CACNA2D3: variants seen among roughly 807,000 people sequenced by gnomAD.
CACNA2D3 encodes the protein calcium voltage-gated channel auxiliary subunit alpha2delta 3.
A neutral mutation model predicts 160.6 loss-of-function variants in CACNA2D3; 60 were observed. The observed-to-expected ratio is 0.37, with a 90% CI of 0.30 to 0.46. The LOEUF is 0.46. CACNA2D3 is among the 20% of genes least tolerant of loss of function. The probability of loss-of-function intolerance (pLI) is 1.00; values close to 1 mark genes in which losing one functional copy is unlikely to be tolerated. For missense variants in CACNA2D3, 1,205 were observed against 1,365.0 expected, an observed-to-expected ratio of 0.88 and a Z score of 1.85; for synonymous variants, 558 against 492.9, an observed-to-expected ratio of 1.13 and a Z score of -1.75.
rs57548618 is a variant in CACNA2D3, at chr3:54,898,101, C to CCTTT, written c.2368+1240_2368+1243dup. On this transcript the variant is annotated intron_variant, in intron 26 of 37. Coordinates refer to ENST00000474759, the MANE Select transcript of CACNA2D3 (RefSeq NM_018398.3). ...TGCTTGCTTGCTTTCTTCCTTCCTT[C>CCTTT]CTTTCTTTCTTTTTTCTTTCTTTCT... Among the ~76,000 whole-genome samples, 1,044 of 146,478 alleles carry CCTTT rather than the reference C, an allele frequency of 7.1e-3. 66 individuals carry two copies. In the East Asian group the frequency reaches 0.15, roughly 21 times the overall value.
chr3:55,035,832 C>T (rs141714132), intron 35 of CACNA2D3, among the ~76,000 whole-genome samples: 90 of 152,204 alleles, frequency 5.9e-4, no homozygotes, highest in African/African-American at 1.4e-3. Context: ...AAATGCTTTC[C>T]GGCTATGGTT....
chr3:54,701,006 A>G (rs1467780667), intron 11 of CACNA2D3, among the ~76,000 whole-genome samples: 1 of 152,222 alleles, frequency 6.6e-6, no homozygotes, highest in African/African-American at 2.4e-5. Flanking sequence ...TTCTAAAAGC[A>G]CAGGCTGCAG....
intron 9 of CACNA2D3, among the ~76,000 whole-genome samples, chr3:54,589,054 C>T (rs1183143594): frequency 1.3e-5 from 2 of 151,454 alleles, no homozygotes; most frequent in Non-Finnish European, 2.9e-5. Context: ...AGTCACAGTC[C>T]CTAGAATAGT....
intron 11 of CACNA2D3, among the ~76,000 whole-genome samples, chr3:54,683,930 C>G (rs1294604741): frequency 6.9e-6 from 1 of 145,812 alleles, no homozygotes; most frequent in Admixed American, 6.9e-5. Context: ...ACGTGGCCAT[C>G]TTCCTCTGTG....
At chr3:54,242,207 G>A (rs1701986453) in intron 2 of CACNA2D3, among the ~76,000 whole-genome samples, 5 of 152,106 alleles carry the variant, frequency 3.3e-5, no homozygotes, top group African/African-American at 1.2e-4. Context: ...GATCAACTGA[G>A]GTCAGGAGTT....
chr3:54,551,622 T>C (rs1464117369), intron 5 of CACNA2D3, among the ~76,000 whole-genome samples: 1 of 152,148 alleles, frequency 6.6e-6, no homozygotes, highest in African/African-American at 2.4e-5. Context: ...ATCAGAATGG[T>C]GTGAAGCCTC....
At chr3:54,288,062 T>C (rs1413386162) in intron 2 of CACNA2D3, among the ~76,000 whole-genome samples, 3 of 151,386 alleles carry the variant, frequency 2.0e-5, no homozygotes, top group African/African-American at 7.3e-5. Flanking sequence ...AGGCAAGAAA[T>C]AACTAAAATC....
At chr3:54,600,926 A>T (rs1211355958) in intron 9 of CACNA2D3, among the ~76,000 whole-genome samples, 1 of 151,626 alleles carries the variant, frequency 6.6e-6, no homozygotes, top group African/African-American at 2.4e-5. Flanking sequence ...ATTTTGACTC[A>T]CTTTCATAGA....
chr3:54,948,310 C>A (rs929813329), intron 27 of CACNA2D3, among the ~76,000 whole-genome samples: 1 of 152,182 alleles, frequency 6.6e-6, no homozygotes. Context: ...CACTGTATCA[C>A]CTCACACCTG....
At chr3:54,511,289 T>G (rs1406590136) in intron 5 of CACNA2D3, among the ~76,000 whole-genome samples, 2 of 152,162 alleles carry the variant, frequency 1.3e-5, no homozygotes, top group Non-Finnish European at 2.9e-5. Context: ...ATTCATCACA[T>G]TTTTCAGCAG....
chr3:54,883,829 T>C (rs371520725), intron 21 of CACNA2D3, among the ~76,000 whole-genome samples: 128 of 145,804 alleles, frequency 8.8e-4, no homozygotes, highest in South Asian at 3.3e-3. Context: ...CTCTCCTCTC[T>C]CTCCCTTCAA....
chr3:54,975,692 T>C (rs984083165), intron 29 of CACNA2D3, among the ~76,000 whole-genome samples: 2 of 152,154 alleles, frequency 1.3e-5, no homozygotes, highest in Non-Finnish European at 1.5e-5. Context: ...ATTAAGTATA[T>C]TTTTAGACTC....
At chr3:54,666,729 T>G (rs1700074746) in intron 11 of CACNA2D3, among the ~76,000 whole-genome samples, 1 of 152,218 alleles carries the variant, frequency 6.6e-6, no homozygotes, top group Non-Finnish European at 1.5e-5. Flanking sequence ...TAAAAGGCGT[T>G]AAACCACGTT....
At chr3:54,787,803 C>G (rs1702670037) in intron 13 of CACNA2D3, among the ~76,000 whole-genome samples, 1 of 152,178 alleles carries the variant, frequency 6.6e-6, no homozygotes, top group East Asian at 1.9e-4. Context: ...GTTATTGCCT[C>G]TTCCTGGTAC....
intron 4 of CACNA2D3, among the ~76,000 whole-genome samples, chr3:54,486,896 C>G (rs539319532): frequency 6.6e-6 from 1 of 152,132 alleles, no homozygotes; most frequent in Admixed American, 6.5e-5. Context: ...CAGGCCAAAG[C>G]AACCTTATTC....
intron 2 of CACNA2D3, among the ~76,000 whole-genome samples, chr3:54,319,631 T>G (rs1575392590): frequency 6.6e-6 from 1 of 152,188 alleles, no homozygotes; most frequent in East Asian, 1.9e-4. Context: ...AAACCGTGTT[T>G]TGGGTCTCAG....
intron 4 of CACNA2D3, among the ~76,000 whole-genome samples, chr3:54,390,559 A>G (rs533980332): frequency 6.6e-6 from 1 of 152,338 alleles, no homozygotes; most frequent in Admixed American, 6.5e-5. Flanking sequence ...TGACAATGCC[A>G]TTCACACTGG....
chr3:55,005,937 G>C (rs533255808), intron 32 of CACNA2D3, among the ~76,000 whole-genome samples: 1 of 152,194 alleles, frequency 6.6e-6, no homozygotes, highest in African/African-American at 2.4e-5. Flanking sequence ...CTAATTTGCA[G>C]ATGTAAGATG....
At chr3:54,191,573 G>A (rs1025258805) in intron 2 of CACNA2D3, among the ~76,000 whole-genome samples, 8 of 152,094 alleles carry the variant, frequency 5.3e-5, no homozygotes, top group African/African-American at 1.7e-4. Flanking sequence ...TGAACCGACC[G>A]AGTACAAGGA....
Sources: allele counts gnomAD v4.1 joint callset (sites outside exome capture counted in the v4.1 genomes callset), GRCh38; gene constraint gnomAD v4.1.1; transcripts MANE v1.5; gene names NCBI Gene and HGNC (gene_info 2026-07-23, HGNC 2026-07-21).